The following ROR1 variants were observed in gnomAD, a reference collection of about 807,000 sequenced individuals.
ROR1 encodes the protein ROR family WNT receptor 1.
ROR1 carries 19 observed loss-of-function variants against 78.8 expected under a neutral mutation model. The observed-to-expected ratio is 0.24, with a 90% confidence interval of 0.17 to 0.35. The LOEUF (loss-of-function observed/expected upper bound fraction) is 0.35. Ranked by LOEUF, ROR1 falls within the 10% of genes least tolerant of loss-of-function variation. ROR1 has a pLI of 1.00. For missense variants in ROR1, 917 were observed against 1,177.8 expected (o/e 0.78, Z 3.24); for synonymous variants, 386 against 433.6 (o/e 0.89, Z 1.36).
chr1:64,041,230 A>G (rs1646743371), intron 2 of ROR1, among the ~76,000 whole-genome samples: 2 of 152,218 alleles, frequency 1.3e-5, no homozygotes, highest in African/African-American at 2.4e-5. Context: ...AAATGCAATA[A>G]TACATGTAAA....
intron 4 of ROR1, among the ~76,000 whole-genome samples, chr1:64,129,212 C>T (rs1390876087): frequency 1.3e-5 from 2 of 152,118 alleles, no homozygotes; most frequent in African/African-American, 4.8e-5. Context: ...GGTTTCACCC[C>T]ACTTCTGAGT....
At chr1:64,166,831 G>A (rs77211987) in intron 8 of ROR1, among the ~76,000 whole-genome samples, 4,565 of 152,278 alleles carry the variant, frequency 0.03, 107 homozygotes, top group Non-Finnish European at 0.047. Context: ...AGGTCTGACA[G>A]TGAGGGCTGG....
chr1:63,828,199 T>G (rs1226164060), intron 1 of ROR1, among the ~76,000 whole-genome samples: 1 of 152,188 alleles, frequency 6.6e-6, no homozygotes, highest in Non-Finnish European at 1.5e-5. Flanking sequence ...CTGTGTAATG[T>G]GAATGCAATT....
chr1:64,041,893 G>A (rs1027333450), intron 2 of ROR1, among the ~76,000 whole-genome samples: 1 of 152,122 alleles, frequency 6.6e-6, no homozygotes, highest in Non-Finnish European at 1.5e-5. Context: ...GTGCCACCTC[G>A]GTACTTAACC....
intron 2 of ROR1, among the ~76,000 whole-genome samples, chr1:64,018,864 TAG>T (rs1267907644): frequency 1.6e-4 from 25 of 152,136 alleles, no homozygotes; most frequent in African/African-American, 5.8e-4. Flanking sequence ...TGGTGGGTGT[TAG>T]AGTCACTTGG....
At chr1:63,792,274 C>G (rs1302399663) in intron 1 of ROR1, among the ~76,000 whole-genome samples, 1 of 152,120 alleles carries the variant, frequency 6.6e-6, no homozygotes, top group Non-Finnish European at 1.5e-5. Flanking sequence ...GCAATTGCTT[C>G]TACTACCACT....
At chr1:64,163,481 G>A (rs1439337725) in intron 8 of ROR1, among the ~76,000 whole-genome samples, 2 of 152,118 alleles carry the variant, frequency 1.3e-5, no homozygotes, top group African/African-American at 2.4e-5. Flanking sequence ...GCAGGCCAGG[G>A]GTGTGAGATG....
At position 63,872,988 on chromosome 1, in the gene ROR1, C is replaced by T. The variant is rs117384992; in HGVS notation, c.91+98480C>T. Among the ~76,000 whole-genome samples, 94 of 152,132 alleles carry T rather than the reference C, an allele frequency of 6.2e-4. 1 individual carries two copies. The East Asian group carries it at 0.017, about 28-fold the overall frequency. On this transcript the variant is annotated intron_variant, in intron 1 of 8. Transcript: ENST00000371079. ...ATGATTTGAGAGGGTATTTACATTC[C>T]CAGGATTTTCAGATATATTTATGAT...
At chr1:64,015,861 C>G (rs1217236764) in intron 2 of ROR1, among the ~76,000 whole-genome samples, 1 of 152,120 alleles carries the variant, frequency 6.6e-6, no homozygotes, top group Non-Finnish European at 1.5e-5. Context: ...TTATCAACTA[C>G]TAAAACACTT....
chr1:64,165,188 C>T (rs1302183523), intron 8 of ROR1, among the ~76,000 whole-genome samples: 1 of 152,176 alleles, frequency 6.6e-6, no homozygotes, highest in Non-Finnish European at 1.5e-5. Flanking sequence ...AATGGCTGAA[C>T]TAATTTACAC....
At chr1:63,896,318 C>T (rs1645439249) in intron 1 of ROR1, among the ~76,000 whole-genome samples, 1 of 152,050 alleles carries the variant, frequency 6.6e-6, no homozygotes, top group African/African-American at 2.4e-5. Flanking sequence ...GAGGATTTTG[C>T]TTGGATTCTG....
chr1:64,168,818 C>T (rs1650159710), intron 8 of ROR1, among the ~76,000 whole-genome samples: 1 of 152,210 alleles, frequency 6.6e-6, no homozygotes. Flanking sequence ...ACATTGTGGT[C>T]ATTCATCATG....
chr1:63,984,801 A>G (rs1181268872), intron 1 of ROR1, among the ~76,000 whole-genome samples: 1 of 152,176 alleles, frequency 6.6e-6, no homozygotes, highest in Non-Finnish European at 1.5e-5. Context: ...ATACAATATG[A>G]AGTCTCTTTG....
chr1:63,787,829 C>T lies in ROR1; in HGVS notation c.91+13321C>T, dbSNP rs111710989. ...GCATAAGCCACTGCACCCGGCCTAT[C>T]GCCCTGATTTCAATCCCTCATCTGT... On this transcript the variant is annotated intron_variant, in intron 1 of 8. Transcript: ENST00000371079. Among the ~76,000 whole-genome samples, 612 of 152,320 alleles carry T rather than the reference C, an allele frequency of 4.0e-3. 6 individuals are homozygous for T. Among genetic ancestry groups the T allele is most frequent in the African/African-American group, 0.014 (573 of 41,572 alleles).
intron 1 of ROR1, among the ~76,000 whole-genome samples, chr1:63,840,577 T>G (rs1645043795): frequency 6.6e-6 from 1 of 152,188 alleles, no homozygotes; most frequent in Non-Finnish European, 1.5e-5. Context: ...CCACTGCACC[T>G]GGCCTTGTTT....
intron 4 of ROR1, among the ~76,000 whole-genome samples, chr1:64,124,942 C>T (rs945434421): frequency 1.3e-5 from 2 of 152,196 alleles, no homozygotes; most frequent in African/African-American, 2.4e-5. Flanking sequence ...TGGTTCATAA[C>T]CAGTTACAGC....
chr1:63,979,071 C>T (rs572622547), intron 1 of ROR1, among the ~76,000 whole-genome samples: 4 of 152,300 alleles, frequency 2.6e-5, no homozygotes, highest in Admixed American at 2.0e-4. Context: ...GGACCACCCA[C>T]ATTATGGAGG....
chr1:63,838,660 A>G (rs1356566909), intron 1 of ROR1, among the ~76,000 whole-genome samples: 1 of 152,198 alleles, frequency 6.6e-6, no homozygotes, highest in African/African-American at 2.4e-5. Flanking sequence ...TCCAATTTCT[A>G]TTGAAGAAAG....
At chr1:63,967,179 T>G (rs952671226) in intron 1 of ROR1, among the ~76,000 whole-genome samples, 2 of 150,876 alleles carry the variant, frequency 1.3e-5, no homozygotes, top group Admixed American at 6.6e-5. Context: ...TTGTGGTGGT[T>G]GTTATTATTC....
Sources: allele counts gnomAD v4.1 joint callset (sites outside exome capture counted in the v4.1 genomes callset), GRCh38; gene constraint gnomAD v4.1.1; transcripts MANE v1.5; gene names NCBI Gene and HGNC (gene_info 2026-07-23, HGNC 2026-07-21).